The following PRMT3 variants were observed in gnomAD, a reference collection of about 807,000 sequenced individuals.
PRMT3 encodes protein arginine N-methyltransferase 3.
A neutral mutation model predicts 71.9 loss-of-function variants in PRMT3; 62 were observed. The ratio of observed to expected loss-of-function variants is 0.86; its 90% confidence interval spans 0.70 to 1.07. The LOEUF is 1.07. Ranked by LOEUF, PRMT3 falls within the 50% of genes least tolerant of loss-of-function variation. The probability of loss-of-function intolerance (pLI) is 0.00; values close to 1 mark genes in which losing one functional copy is unlikely to be tolerated. For missense variants in PRMT3, 663 were observed against 643.0 expected (o/e 1.03, Z -0.34); for synonymous variants, 213 against 220.4 (o/e 0.97, Z 0.30).
At chr11:20,506,034 G>A (rs1417981484) in intron 15 of PRMT3, among the ~76,000 whole-genome samples, 1 of 152,112 alleles carries the variant, frequency 6.6e-6, no homozygotes, top group East Asian at 1.9e-4. Context: ...GAAAATCCTA[G>A]TTCTTTCACT....
chr11:20,477,630 G>GGATTCATTGATATATC (rs1224861131), intron 13 of PRMT3, among the ~76,000 whole-genome samples: 1 of 152,042 alleles, frequency 6.6e-6, no homozygotes, highest in Admixed American at 6.6e-5. Context: ...ACTCTCCTGA[G>GGATTCATTGATATATC]GATTCATTGA....
intron 10 of PRMT3, among the ~76,000 whole-genome samples, chr11:20,440,032 C>T (rs760492376): frequency 6.6e-6 from 1 of 152,124 alleles, no homozygotes; most frequent in Non-Finnish European, 1.5e-5. Context: ...ACTGAATGTC[C>T]TTACTGGGGA....
chr11:20,500,612 G>C (rs1322092805), intron 15 of PRMT3, among the ~76,000 whole-genome samples: 1 of 152,164 alleles, frequency 6.6e-6, no homozygotes, highest in Non-Finnish European at 1.5e-5. Flanking sequence ...TTTTTACAAA[G>C]GGGCAGTGTT....
Position 20,408,015 on chromosome 11 carries a change from G to A in PRMT3, c.876G>A (p.Gln292=), listed in dbSNP as rs1437459292. ...LGVDQSEILY[Q]AMDIIRLNKL... is the part of the protein sequence containing the mutation. The stretch of plus-strand genomic sequence containing the variant: ...TTGATCAATCTGAAATACTTTACCA[G>A]GCAATGGATATTATAAGGTACATAT... Residue 292 remains glutamine (Q), a synonymous_variant, in exon 9 of 16, where the codon CAG becomes CAA. Transcript: ENST00000331079. The A allele has an allele frequency of 5.7e-6, 9 of 1,581,688 alleles. No individual in the cohort carries two copies. Among genetic ancestry groups the A allele is most frequent in the Non-Finnish European group, 7.8e-6 (9 of 1,152,466 alleles).
At chr11:20,494,584 C>T (rs144759810) in intron 15 of PRMT3, among the ~76,000 whole-genome samples, 6 of 152,170 alleles carry the variant, frequency 3.9e-5, no homozygotes, top group Admixed American at 1.3e-4. Context: ...CTCGGCCCCC[C>T]CAAAGTGCTG....
intron 7 of PRMT3, among the ~76,000 whole-genome samples, chr11:20,402,350 C>G (rs986999276): frequency 2.0e-5 from 3 of 152,134 alleles, no homozygotes; most frequent in Non-Finnish European, 2.9e-5. Context: ...AACTCCTGAC[C>G]TCAAGTGATC....
Position 20,395,909 on chromosome 11 carries a change from A to G in PRMT3, c.507A>G (p.Ala169=), listed in dbSNP as rs1284593564. 6.2e-7 allele frequency: 1 copy of G among 1,614,222 alleles called. No homozygotes were observed. The highest frequency in any genetic ancestry group is 1.3e-5 in the African/African-American group (1 of 75,066). Residue 169 remains alanine (A), a synonymous_variant, in exon 6 of 16, where the codon GCA becomes GCG. Coordinates refer to ENST00000331079, the MANE Select transcript of PRMT3 (RefSeq NM_005788.4). ...VEKLKHMEAR[A]LSAEAALARA... is the part of the protein sequence containing the mutation. The stretch of plus-strand genomic sequence containing the variant: ...AATTGAAACATATGGAAGCCAGGGC[A>G]CTGTCTGCTGAAGCCGCATTGGCCA...
intron 5 of PRMT3, 117 bp from the exon 6 acceptor site, chr11:20,395,686 C>T (rs146650682): frequency 2.0e-6 from 2 of 977,598 alleles, no homozygotes; most frequent in African/African-American, 3.3e-5. Flanking sequence ...AGTACTTTCA[C>T]TAATCTTTCT....
intron 15 of PRMT3, among the ~76,000 whole-genome samples, chr11:20,502,291 G>A (rs944201502): frequency 5.9e-5 from 9 of 151,986 alleles, no homozygotes; most frequent in Non-Finnish European, 1.2e-4. Context: ...TGGCACTTTA[G>A]TTAGGTCTGA....
At chr11:20,434,508 G>A (rs144834038) in intron 10 of PRMT3, among the ~76,000 whole-genome samples, 344 of 152,198 alleles carry the variant, frequency 2.3e-3, no homozygotes, top group South Asian at 5.0e-3. Flanking sequence ...TATAGTTTTG[G>A]GTTTTACATT....
chr11:20,393,118 A>T, intron 5 of PRMT3, 119 bp downstream of exon 5: 1 of 691,780 alleles, frequency 1.4e-6, no homozygotes, highest in Non-Finnish European at 2.5e-6. Context: ...ATGCTTCATC[A>T]GGTAGTTAGT....
At chr11:20,397,172 T>A (rs1375402192) in intron 6 of PRMT3, among the ~76,000 whole-genome samples, 4 of 152,202 alleles carry the variant, frequency 2.6e-5, no homozygotes, top group Non-Finnish European at 5.9e-5. Flanking sequence ...GGGTCTACTT[T>A]CTGCTTACAT....
At chr11:20,409,692 CGT>C (rs1565199766) in intron 9 of PRMT3, among the ~76,000 whole-genome samples, 1 of 149,548 alleles carries the variant, frequency 6.7e-6, no homozygotes, top group African/African-American at 2.5e-5. Flanking sequence ...CACACACACA[CGT>C]TGCATTTGCA....
intron 10 of PRMT3, among the ~76,000 whole-genome samples, chr11:20,439,567 G>C (rs1849839454): frequency 6.6e-6 from 1 of 152,198 alleles, no homozygotes; most frequent in Non-Finnish European, 1.5e-5. Flanking sequence ...ACTCTCCAAA[G>C]CCACCAATTT....
At chr11:20,444,810 T>C (rs566356176) in intron 10 of PRMT3, among the ~76,000 whole-genome samples, 5 of 152,214 alleles carry the variant, frequency 3.3e-5, no homozygotes, top group African/African-American at 1.2e-4. Flanking sequence ...ATTAATTCTG[T>C]TAATTACTGA....
chr11:20,455,768 G>T (rs149227959), intron 11 of PRMT3, among the ~76,000 whole-genome samples: 64 of 151,522 alleles, frequency 4.2e-4, no homozygotes, highest in African/African-American at 1.4e-3. Context: ...GAAGAGAGTG[G>T]TATAGGCCTG....
chr11:20,493,876 A>C (rs760182979), intron 13 of PRMT3, 43 bp from the exon 14 acceptor site: 18 of 1,318,286 alleles, frequency 1.4e-5, no homozygotes, highest in Middle Eastern at 2.6e-4. Context: ...TATATTATGT[A>C]ATTCATTTAG....
chr11:20,455,380 C>T (rs576365000), intron 11 of PRMT3, among the ~76,000 whole-genome samples: 5 of 152,192 alleles, frequency 3.3e-5, no homozygotes, highest in Admixed American at 6.5e-5. Context: ...TTATTAAGTA[C>T]ATTTAGCACT....
intron 13 of PRMT3, among the ~76,000 whole-genome samples, chr11:20,479,413 T>C (rs1036496084): frequency 7.9e-5 from 12 of 152,172 alleles, no homozygotes; most frequent in Non-Finnish European, 1.6e-4. Flanking sequence ...CATCACTACC[T>C]TTCAGTGGAA....
Sources: gnomAD v4.1 joint callset for allele counts (sites outside exome capture counted in the v4.1 genomes callset) on GRCh38, gnomAD v4.1.1 for gene constraint, MANE v1.5 for transcripts, NCBI Gene and HGNC (gene_info 2026-07-23, HGNC 2026-07-21) for gene names.